Variants in PTPRT observed in about 807,000 individuals in gnomAD.
The protein encoded by PTPRT is receptor-type tyrosine-protein phosphatase T.
PTPRT carries 56 observed loss-of-function variants against 176.8 expected under a neutral mutation model. That is an observed-to-expected ratio of 0.32 (90% confidence interval 0.26 to 0.40). PTPRT has a LOEUF of 0.40. Ranked by LOEUF, PTPRT falls within the 10% of genes least tolerant of loss-of-function variation. PTPRT has a pLI of 1.00. For missense variants in PTPRT, 1,540 were observed against 1,908.2 expected, an observed-to-expected ratio of 0.81 and a Z score of 3.60; for synonymous variants, 783 against 739.0, an observed-to-expected ratio of 1.06 and a Z score of -0.96.
At chr20:43,080,929 G>A (rs961435000) in intron 1 of PTPRT, among the ~76,000 whole-genome samples, 1 of 152,306 alleles carries the variant, frequency 6.6e-6, no homozygotes, top group East Asian at 1.9e-4. Flanking sequence ...TAAACCTGTT[G>A]TATACAGGTG....
At chr20:42,674,896 G>A (rs963616794) in intron 7 of PTPRT, among the ~76,000 whole-genome samples, 1 of 146,570 alleles carries the variant, frequency 6.8e-6, no homozygotes, top group Non-Finnish European at 1.5e-5. Context: ...CTTTGAAAAC[G>A]CAAATTTGTT....
At chr20:42,337,454 C>T (rs2058056051) in intron 11 of PTPRT, among the ~76,000 whole-genome samples, 1 of 152,152 alleles carries the variant, frequency 6.6e-6, no homozygotes, top group Non-Finnish European at 1.5e-5. Flanking sequence ...TACTTCAGGG[C>T]TGTATTGTGA....
chr20:42,470,922 TG>T (rs2071184005), intron 8 of PTPRT, among the ~76,000 whole-genome samples: 1 of 147,476 alleles, frequency 6.8e-6, no homozygotes. Context: ...AATGGGGGTA[TG>T]GAGGTGGGGT....
At chr20:42,389,478 G>A (rs1272443638) in intron 9 of PTPRT, among the ~76,000 whole-genome samples, 1 of 152,164 alleles carries the variant, frequency 6.6e-6, no homozygotes, top group Non-Finnish European at 1.5e-5. Context: ...CCTTGCAGCA[G>A]TGTTGGGAGG....
chr20:42,886,049 C>CTTTATATA (rs58536258), intron 1 of PTPRT, 117 bp from the exon 2 acceptor site: 8 of 431,358 alleles, frequency 1.9e-5, no homozygotes, highest in South Asian at 6.0e-5. Context: ...AGAAGATTTT[C>CTTTATATA]CATATATATA....
intron 9 of PTPRT, among the ~76,000 whole-genome samples, chr20:42,435,141 A>AGT (rs34354625): frequency 0.14 from 21,761 of 151,624 alleles, 1,560 homozygotes; most frequent in African/African-American, 0.17. Flanking sequence ...TATATATAGG[A>AGT]GTGTGTGTGT....
intron 19 of PTPRT, 24 bp from the exon 20 acceptor site, chr20:42,119,995 G>A: frequency 1.3e-6 from 2 of 1,599,696 alleles, no homozygotes; most frequent in Non-Finnish European, 1.7e-6. Context: ...GAAAAGCACT[G>A]TGAAGAGTCT....
chr20:42,060,728 G>T, the PTPRT span, among the ~76,000 whole-genome samples: 1 of 152,148 alleles, frequency 6.6e-6, no homozygotes, highest in Non-Finnish European at 1.5e-5. Context: ...ACTTTCTTTT[G>T]TAAGTTGCCC....
At chr20:42,851,586 T>C (rs796932208) in intron 2 of PTPRT, among the ~76,000 whole-genome samples, 4 of 152,352 alleles carry the variant, frequency 2.6e-5, no homozygotes, top group Middle Eastern at 3.4e-3. Flanking sequence ...TTCCTGTTTA[T>C]TTGCTATTGC....
chr20:42,913,407 C>G (rs1333455737), intron 1 of PTPRT, among the ~76,000 whole-genome samples: 1 of 152,130 alleles, frequency 6.6e-6, no homozygotes, highest in Non-Finnish European at 1.5e-5. Flanking sequence ...CACTCCAATC[C>G]TTCATCTTTC....
intron 1 of PTPRT, among the ~76,000 whole-genome samples, chr20:42,891,580 A>G (rs1212578541): frequency 6.6e-6 from 1 of 152,240 alleles, no homozygotes; most frequent in African/African-American, 2.4e-5. Context: ...TAAAGCATAA[A>G]TAAAGTTTAT....
In PTPRT at chr20:42,076,480, G is replaced by A. The variant is rs914956985; in HGVS notation, c.*4399C>T. The A allele has an allele frequency of 4.8e-6, 1 of 208,244 alleles. No homozygotes were observed. The highest frequency in any genetic ancestry group is 9.8e-6 in the Non-Finnish European group (1 of 102,132). The allele number at this position is 208,244 out of a possible 1,614,324, so 12.9% of individuals were successfully genotyped here. On this transcript the variant is annotated 3_prime_UTR_variant, in exon 31 of 31. Coordinates refer to ENST00000373187, the MANE Select transcript of PTPRT (RefSeq NM_007050.6). Reference sequence around the variant, plus strand: ...CTCATCATTCTAGTGTGAGTTAATGGGTTCCTTCCAGCACCCAACTGGAAG... The same window carrying A: ...CTCATCATTCTAGTGTGAGTTAATGAGTTCCTTCCAGCACCCAACTGGAAG...
intron 1 of PTPRT, among the ~76,000 whole-genome samples, chr20:43,145,165 A>G (rs1191700996): frequency 2.6e-5 from 4 of 152,226 alleles, no homozygotes; most frequent in Admixed American, 2.6e-4. Flanking sequence ...TCTGATCAAC[A>G]AGGAAACATG....
chr20:42,693,387 C>T (rs1344433446), intron 6 of PTPRT, among the ~76,000 whole-genome samples: 1 of 151,946 alleles, frequency 6.6e-6, no homozygotes, highest in Non-Finnish European at 1.5e-5. Flanking sequence ...TGCAAAAGGC[C>T]AGGAATATTC....
chr20:42,956,763 G>C (rs1981668204), intron 1 of PTPRT, among the ~76,000 whole-genome samples: 1 of 152,174 alleles, frequency 6.6e-6, no homozygotes, highest in Non-Finnish European at 1.5e-5. Flanking sequence ...GTGTTGTTAA[G>C]AGTACAGGTG....
intron 2 of PTPRT, among the ~76,000 whole-genome samples, chr20:42,870,586 A>C (rs2078828349): frequency 6.6e-6 from 1 of 152,246 alleles, no homozygotes. Context: ...CTAGGTGGAT[A>C]GTTGGCTATA....
At chr20:42,718,573 A>G (rs994821583) in intron 6 of PTPRT, among the ~76,000 whole-genome samples, 35 of 152,262 alleles carry the variant, frequency 2.3e-4, no homozygotes, top group Admixed American at 2.2e-3. Context: ...AAAAGTGAAT[A>G]CAACATGGAT....
intron 1 of PTPRT, among the ~76,000 whole-genome samples, chr20:42,982,876 G>A (rs544308346): frequency 1.6e-4 from 24 of 152,334 alleles, no homozygotes; most frequent in South Asian, 4.1e-4. Context: ...CAGGCACTGC[G>A]TGAACTTTCT....
chr20:42,098,274 T>C, intron 27 of PTPRT, 147 bp downstream of exon 27: 2 of 1,120,880 alleles, frequency 1.8e-6, no homozygotes, highest in East Asian at 2.5e-5. Context: ...GCAGAATGGC[T>C]TGTCTGATGC....
Sources: gnomAD v4.1 joint callset for allele counts (sites outside exome capture counted in the v4.1 genomes callset) on GRCh38, gnomAD v4.1.1 for gene constraint, MANE v1.5 for transcripts, NCBI Gene and HGNC (gene_info 2026-07-23, HGNC 2026-07-21) for gene names.